Variants in IL1RL2 observed in about 807,000 individuals in gnomAD.
IL1RL2 encodes the protein interleukin 1 receptor like 2.
Under a neutral mutation model 66.8 loss-of-function variants are expected in IL1RL2, and 68 were observed. That is an observed-to-expected ratio of 1.02 (90% CI 0.84 to 1.25). The LOEUF (loss-of-function observed/expected upper bound fraction) is 1.25. Ranked by LOEUF, IL1RL2 falls within the 50% of genes most tolerant of loss-of-function variation. The pLI, the probability that IL1RL2 is intolerant of heterozygous loss-of-function variation, is 0.00. For synonymous variants in IL1RL2, 305 were observed against 264.6 expected (o/e 1.15, Z -1.48); for missense variants, 729 against 709.3 (o/e 1.03, Z -0.32).
chr2:102,212,610 A>C (rs561172969), intron 6 of IL1RL2, among the ~76,000 whole-genome samples: 1 of 152,360 alleles, frequency 6.6e-6, no homozygotes, highest in East Asian at 1.9e-4. Flanking sequence ...AAGGATCAAT[A>C]AGCATTGCCT....
At chr2:102,240,649 A>G (rs1418049860), downstream of IL1RL2, among the ~76,000 whole-genome samples, 4 of 152,176 alleles carry the variant, frequency 2.6e-5, no homozygotes, top group Non-Finnish European at 4.4e-5. Flanking sequence ...TTTCCACTGC[A>G]ATCTGGAGAG....
At chr2:102,231,920 G>A (rs1414936456) in intron 9 of IL1RL2, among the ~76,000 whole-genome samples, 1 of 152,176 alleles carries the variant, frequency 6.6e-6, no homozygotes, top group Non-Finnish European at 1.5e-5. Flanking sequence ...ATCCAGTTTT[G>A]CCTGGTGCAG....
chr2:102,198,568 A>G lies in IL1RL2; in HGVS notation c.490-2988A>G, dbSNP rs370671192. 7.4e-4 allele frequency among the ~76,000 whole-genome samples: 113 copies of G among 152,320 alleles called. 2 individuals carry two copies. The highest frequency in any genetic ancestry group is 2.7e-3 in the African/African-American group (111 of 41,564). ...CATTCATTTTCAACCTGATTGTGGC[A>G]TTCAACATTGCTGGGCACTCCCATC... On this transcript the variant is annotated intron_variant, in intron 4 of 11. Transcript: ENST00000264257.
downstream of IL1RL2, among the ~76,000 whole-genome samples, chr2:102,240,388 TGAGAC>T (rs1315968740): frequency 8.2e-6 from 1 of 122,698 alleles, no homozygotes; most frequent in African/African-American, 2.9e-5. Context: ...TTTTTTTTTT[TGAGAC>T]AGAGTTTCGC....
chr2:102,220,074 C>T, intron 8 of IL1RL2, 57 bp downstream of exon 8: 1 of 1,480,112 alleles, frequency 6.8e-7, no homozygotes, highest in Non-Finnish European at 9.2e-7. Context: ...GGCCAGGAAA[C>T]ACATCTGAAG....
At chr2:102,195,746 GTCTC>G (rs2104734887) in intron 4 of IL1RL2, among the ~76,000 whole-genome samples, 1 of 135,970 alleles carries the variant, frequency 7.4e-6, no homozygotes, top group African/African-American at 2.8e-5. Context: ...TGGAGTCTCA[GTCTC>G]TCTCCTAGGC....
At chr2:102,221,392 G>A (rs1690114674) in intron 8 of IL1RL2, among the ~76,000 whole-genome samples, 1 of 152,154 alleles carries the variant, frequency 6.6e-6, no homozygotes, top group African/African-American at 2.4e-5. Context: ...CCCCATGACA[G>A]CTCTGCGTTT....
At chr2:102,191,732 G>T (rs557912713) in intron 3 of IL1RL2, among the ~76,000 whole-genome samples, 193 bp from the exon 4 acceptor site, 1 of 152,342 alleles carries the variant, frequency 6.6e-6, no homozygotes, top group South Asian at 2.1e-4. Context: ...TTAAGGTGTT[G>T]TCCAGTTCCT....
chr2:102,187,821 T>C lies in IL1RL2; in HGVS notation c.-12-35T>C, dbSNP rs1332564906. The C allele has an allele frequency of 2.0e-6, 3 of 1,518,550 alleles. No homozygotes were observed. The Admixed American group carries it at 5.0e-5, about 25-fold the overall frequency. The allele number at this position is 1,518,550 out of a possible 1,614,324, so 94.1% of individuals were successfully genotyped here. On this transcript the variant is annotated intron_variant, in intron 1 of 11. Coordinates refer to ENST00000264257, the MANE Select transcript of IL1RL2 (RefSeq NM_003854.4). The stretch of plus-strand genomic sequence containing the variant: ...GGCGCCTCGGGCCCGCCCTACTGCG[T>C]CCTCCCCTCCCACCCTCTTCTCCCT...
intron 4 of IL1RL2, among the ~76,000 whole-genome samples, chr2:102,200,116 G>GAA (rs1559534394): frequency 2.5e-4 from 13 of 52,886 alleles, no homozygotes; most frequent in South Asian, 2.2e-3. Context: ...CCCTGTTCCA[G>GAA]CAAAAAAAAA....
chr2:102,192,277 C>T (rs1223694052), intron 4 of IL1RL2, among the ~76,000 whole-genome samples, 157 bp downstream of exon 4: 1 of 152,174 alleles, frequency 6.6e-6, no homozygotes, highest in African/African-American at 2.4e-5. Context: ...CGTTACCTTC[C>T]TAATTACTGT....
At chr2:102,205,900 T>C (rs1309916594) in intron 5 of IL1RL2, among the ~76,000 whole-genome samples, 1 of 152,220 alleles carries the variant, frequency 6.6e-6, no homozygotes, top group East Asian at 1.9e-4. Flanking sequence ...TTCTAGATTC[T>C]GTATGCAATG....
intron 6 of IL1RL2, among the ~76,000 whole-genome samples, chr2:102,218,035 C>A (rs1689761989): frequency 1.3e-5 from 2 of 152,022 alleles, no homozygotes; most frequent in Non-Finnish European, 2.9e-5. Context: ...GTGCATCTGA[C>A]AAGGGGTTAA....
intron 9 of IL1RL2, among the ~76,000 whole-genome samples, chr2:102,229,946 C>T (rs1690972766): frequency 6.6e-6 from 1 of 152,178 alleles, no homozygotes; most frequent in Non-Finnish European, 1.5e-5. Context: ...ACACTTAGCA[C>T]ACAAGGTTTG....
At chr2:102,241,230 C>A (rs1001587241), downstream of IL1RL2, among the ~76,000 whole-genome samples, 2 of 152,254 alleles carry the variant, frequency 1.3e-5, no homozygotes, top group African/African-American at 4.8e-5. Context: ...GTGTTCCTAA[C>A]TCTTGGGCTT....
In IL1RL2 at chr2:102,234,884, T is replaced by C; in HGVS notation, c.1298-13T>C. The C allele has an allele frequency of 1.2e-6, 2 of 1,605,172 alleles. No homozygotes were observed. The highest frequency in any genetic ancestry group is 1.3e-5 in the African/African-American group (1 of 74,688). ...ATTGTGAGTTCTTCTGAGCCTTCTT[T>C]CTTTATTTCCAGCCGTGGCCAATGT... On this transcript the variant is annotated splice_polypyrimidine_tract_variant and intron_variant, in intron 10 of 11. Transcript: ENST00000264257.
intron 4 of IL1RL2, among the ~76,000 whole-genome samples, chr2:102,195,645 CTCTTTCTTTCTTTCTTTCTTTCTT>C (rs1219065291): frequency 9.9e-5 from 2 of 20,258 alleles, no homozygotes; most frequent in African/African-American, 2.3e-4. Context: ...CTCTCTCTCT[CTCTTTCTTTCTTTCTTTCTTTCTT>C]TCTTTCTTTC....
intron 1 of IL1RL2, 35 bp downstream of exon 1, chr2:102,187,121 C>G: frequency 1.6e-6 from 2 of 1,287,530 alleles, no homozygotes; most frequent in African/African-American, 3.0e-5. Flanking sequence ...CTGAGCCAGG[C>G]ATGGGTGGGG....
chr2:102,228,636 G>A (rs906196841), intron 9 of IL1RL2, among the ~76,000 whole-genome samples: 1 of 151,914 alleles, frequency 6.6e-6, no homozygotes, highest in African/African-American at 2.4e-5. Flanking sequence ...GTGCATGTAG[G>A]ATAGAATGGC....
Sources: allele counts gnomAD v4.1 joint callset (sites outside exome capture counted in the v4.1 genomes callset), GRCh38; gene constraint gnomAD v4.1.1; transcripts MANE v1.5; gene names NCBI Gene and HGNC (gene_info 2026-07-23, HGNC 2026-07-21).